The following CEP135 variants were observed in gnomAD, a reference collection of about 807,000 sequenced individuals.
CEP135 encodes the protein centrosomal protein 135, also known as centrosomal protein of 135 kDa.
In CEP135, 142 loss-of-function variants were observed where a neutral mutation model predicts 157.3. The observed-to-expected ratio is 0.90, with a 90% CI of 0.79 to 1.04. CEP135 has a LOEUF of 1.04. CEP135 is among the 50% of genes least tolerant of loss of function. The probability of loss-of-function intolerance (pLI) is 0.00; values close to 1 mark genes in which losing one functional copy is unlikely to be tolerated. For missense variants in CEP135, 1,317 were observed against 1,309.2 expected (o/e 1.01, Z -0.09); for synonymous variants, 396 against 439.8 (o/e 0.90, Z 1.25).
At chr4:56,028,310 T>C (rs1731221477) in intron 25 of CEP135, among the ~76,000 whole-genome samples, 2 of 152,198 alleles carry the variant, frequency 1.3e-5, no homozygotes, top group Non-Finnish European at 2.9e-5. Context: ...GTTTTCCACG[T>C]GCTGCACCAT....
intron 24 of CEP135, among the ~76,000 whole-genome samples, chr4:56,022,336 C>T (rs144625310): frequency 1.5e-3 from 234 of 152,146 alleles, no homozygotes; most frequent in African/African-American, 5.1e-3. Context: ...CATACATTCT[C>T]ATCGGTGCAG....
At chr4:56,002,023 T>G (rs1048543326) in intron 17 of CEP135, among the ~76,000 whole-genome samples, 1 of 152,118 alleles carries the variant, frequency 6.6e-6, no homozygotes, top group Admixed American at 6.5e-5. Context: ...TAAATGGAAT[T>G]GTTTTGTTGA....
chr4:55,989,632 C>A (rs1284920369), intron 14 of CEP135, among the ~76,000 whole-genome samples: 1 of 152,170 alleles, frequency 6.6e-6, no homozygotes, highest in Non-Finnish European at 1.5e-5. Context: ...TAATCCCCCT[C>A]CCCTGAAAAA....
rs77701414 is a variant in CEP135, at chr4:55,959,849, G to A, written c.699+83G>A. On this transcript the variant is annotated intron_variant, in intron 6 of 25. Transcript: ENST00000257287. ...ATAGAATTGGGTTATATTTGAAATT[G>A]CTGATACTGAGTTTTTATACAGCTT... is the stretch of plus-strand genomic sequence containing the variant. The A allele has an allele frequency of 4.4e-4, 475 of 1,087,138 alleles. No homozygotes were observed. In the African/African-American group the frequency reaches 6.9e-3, roughly 16 times the overall value. The allele number at this position is 1,087,138 out of a possible 1,614,324, so 67.3% of individuals were successfully genotyped here. A position where few individuals can be genotyped will look rare whatever the true frequency, so the allele number is the denominator to read the frequency against.
intron 15 of CEP135, among the ~76,000 whole-genome samples, chr4:55,996,762 C>G (rs1327358649): frequency 6.6e-6 from 1 of 150,482 alleles, no homozygotes; most frequent in African/African-American, 2.4e-5. Context: ...ACCCATCTTT[C>G]CTTTCTTAGA....
At chr4:55,964,928 G>A (rs1728795966) in intron 7 of CEP135, 1 of 151,788 alleles carries the variant, frequency 6.6e-6, no homozygotes, top group Non-Finnish European at 1.5e-5. Context: ...TTTGACCTAA[G>A]GCTGAAAGAG....
chr4:56,008,582 A>G (rs1730444289), intron 18 of CEP135, among the ~76,000 whole-genome samples, 200 bp downstream of exon 18: 1 of 152,084 alleles, frequency 6.6e-6, no homozygotes, highest in Non-Finnish European at 1.5e-5. Flanking sequence ...CCACATCTAA[A>G]CACTTATGTC....
At chr4:55,955,248 G>T (rs1238408359) in intron 4 of CEP135, among the ~76,000 whole-genome samples, 1 of 152,188 alleles carries the variant, frequency 6.6e-6, no homozygotes, top group Admixed American at 6.5e-5. Flanking sequence ...GGATTATGAG[G>T]CTAGGTCAAG....
chr4:55,959,829 ATTGGG>A, intron 6 of CEP135, 63 bp downstream of exon 6: 2 of 1,269,506 alleles, frequency 1.6e-6, no homozygotes, highest in Non-Finnish European at 2.3e-6. Context: ...TGTAAATAGA[ATTGGG>A]TTATATTTGA....
At chr4:55,981,920 T>G (rs933129651) in intron 13 of CEP135, among the ~76,000 whole-genome samples, 1 of 152,184 alleles carries the variant, frequency 6.6e-6, no homozygotes, top group Non-Finnish European at 1.5e-5. Flanking sequence ...TTGAAAAATC[T>G]TAAGCCATTG....
Position 55,964,328 on chromosome 4 carries a change from C to G in CEP135, c.754C>G (p.Arg252Gly). ...ERLSVALDGG[R>G]SPDVLSLESR... ...ACTGTCAGTTGCTTTGGATGGTGGT[C>G]GGTCCCCTGATGTCCTTTCTCTGGA... Residue 252 changes from arginine (R) to glycine (G), a missense_variant, in exon 7 of 26, where the codon CGG (arginine) becomes GGG (glycine). Transcript: ENST00000257287. 1 of 1,613,138 alleles carries G rather than the reference C, an allele frequency of 6.2e-7. No individual in the cohort carries two copies. The highest frequency in any genetic ancestry group is 8.5e-7 in the Non-Finnish European group (1 of 1,179,426).
intron 10 of CEP135, among the ~76,000 whole-genome samples, chr4:55,972,433 A>G (rs1729059188): frequency 6.6e-6 from 1 of 152,288 alleles, no homozygotes; most frequent in Admixed American, 6.5e-5. Context: ...AGCAATATGA[A>G]AATCTGGGGT....
At chr4:55,980,359 G>A in intron 12 of CEP135, 64 bp downstream of exon 12, 1 of 1,028,152 alleles carries the variant, frequency 9.7e-7, no homozygotes, top group Non-Finnish European at 1.4e-6. Flanking sequence ...AATGGAGCCT[G>A]TATATATCTT....
chr4:55,981,763 A>C (rs1174433238), intron 13 of CEP135, among the ~76,000 whole-genome samples: 1 of 152,138 alleles, frequency 6.6e-6, no homozygotes, highest in African/African-American at 2.4e-5. Flanking sequence ...CAATTCACCC[A>C]CTTAAAGTAT....
chr4:56,022,201 C>T (rs1009388061), intron 24 of CEP135, among the ~76,000 whole-genome samples: 9 of 152,120 alleles, frequency 5.9e-5, no homozygotes, highest in African/African-American at 1.7e-4. Flanking sequence ...ATCAAAAGTC[C>T]TAAATCAAGC....
intron 17 of CEP135, among the ~76,000 whole-genome samples, chr4:56,000,628 T>A (rs1730134471): frequency 6.6e-6 from 1 of 152,368 alleles, no homozygotes; most frequent in Admixed American, 6.5e-5. Flanking sequence ...CTTAACATCA[T>A]GACCTCCAGG....
At chr4:56,021,871 T>G in intron 24 of CEP135, among the ~76,000 whole-genome samples, 1 of 151,888 alleles carries the variant, frequency 6.6e-6, no homozygotes, top group East Asian at 1.9e-4. Flanking sequence ...ACAAAAAAAT[T>G]TTTGAAAATT....
intron 17 of CEP135, among the ~76,000 whole-genome samples, chr4:56,002,590 G>A (rs1357136154): frequency 6.6e-6 from 1 of 152,126 alleles, no homozygotes; most frequent in Non-Finnish European, 1.5e-5. Flanking sequence ...CTTGATCATG[G>A]TGAATGATCT....
chr4:55,978,038 G>T (rs1057380645), intron 11 of CEP135, among the ~76,000 whole-genome samples: 4 of 152,214 alleles, frequency 2.6e-5, no homozygotes, highest in Non-Finnish European at 5.9e-5. Flanking sequence ...GCATGTGTGT[G>T]TTTAGGGGAC....
Sources: gnomAD v4.1 joint callset for allele counts (sites outside exome capture counted in the v4.1 genomes callset) on GRCh38, gnomAD v4.1.1 for gene constraint, MANE v1.5 for transcripts, NCBI Gene and HGNC (gene_info 2026-07-23, HGNC 2026-07-21) for gene names.